OR6B3: variants seen among roughly 807,000 people sequenced by gnomAD.
OR6B3 encodes the protein olfactory receptor family 6 subfamily B member 3, also known as olfactory receptor 6B3.
For synonymous variants in OR6B3, 148 were observed against 187.8 expected (o/e 0.79, Z 1.73); for missense variants, 315 against 427.4 (o/e 0.74, Z 2.32).
At chr2:240,045,782 G>A in exon 2 of OR6B3, 3 of 1,459,198 alleles carry the variant, frequency 2.1e-6, no homozygotes, top group Non-Finnish European at 2.9e-6. Context: ...GCTGCGTCAT[G>A]CACCCGACGA....
At chr2:240,051,267 TC>T (rs376928292), upstream of OR6B3, among the ~76,000 whole-genome samples, 92 of 152,334 alleles carry the variant, frequency 6.0e-4, 1 homozygote, top group African/African-American at 2.0e-3. Flanking sequence ...GTGGTCCTCT[TC>T]CAGCTTCAGT....
upstream of OR6B3, among the ~76,000 whole-genome samples, chr2:240,050,785 A>G (rs1444302729): frequency 1.3e-5 from 2 of 151,938 alleles, no homozygotes; most frequent in African/African-American, 4.8e-5. Flanking sequence ...AGACTCTAGT[A>G]CATGCCTCTC....
chr2:240,045,385 AG>A lies in OR6B3; in HGVS notation c.687del (p.Ser230ArgfsTer56). The A allele has an allele frequency of 6.2e-7, 1 of 1,614,152 alleles. No homozygotes were observed. The highest frequency in any genetic ancestry group is 8.5e-7 in the Non-Finnish European group (1 of 1,180,008). ...AAGGCTCTCCAGCAGCCGGTGGCCG[AG>A]GGGATGCGCAGGACAGCCAGGGTGA... On this transcript the variant is annotated frameshift_variant, in exon 2 of 2. Transcript: ENST00000641019. LOFTEE classifies it low-confidence loss of function (END_TRUNC).
At chr2:240,048,549 A>G (rs1349291570), upstream of OR6B3, among the ~76,000 whole-genome samples, 1 of 152,102 alleles carries the variant, frequency 6.6e-6, no homozygotes, top group African/African-American at 2.4e-5. Flanking sequence ...ACTGGGCCGC[A>G]TGCTCCTGAG....
At chr2:240,047,204 T>C (rs1025597169), upstream of OR6B3, among the ~76,000 whole-genome samples, 2 of 152,090 alleles carry the variant, frequency 1.3e-5, no homozygotes, top group Non-Finnish European at 2.9e-5. Context: ...CAGAAGGAAA[T>C]ACAGGGATAT....
At position 240,045,144 on chromosome 2, in the gene OR6B3, C is replaced by T. The variant is rs1444730693; in HGVS notation, c.929G>A (p.Cys310Tyr). The change falls in exon 2 of 2, where the codon TGC becomes TAC. Residue 310 changes from cysteine (C) to tyrosine (Y), a missense_variant. By Grantham distance (194) the Cys-to-Tyr change is radical. Coordinates refer to ENST00000641019, the Ensembl canonical transcript of OR6B3. Reference sequence around the variant, plus strand: ...ACTAGAAAGCCTCCCCTCTACGGCGCAGCTCGTCAAGCCGAAGGCTTTTTT... The same window carrying T: ...ACTAGAAAGCCTCCCCTCTACGGCGTAGCTCGTCAAGCCGAAGGCTTTTTT... 4 of 1,614,100 alleles carry T rather than the reference C, an allele frequency of 2.5e-6. No homozygotes were observed. In the East Asian group the frequency reaches 6.7e-5, roughly 27 times the overall value.
At chr2:240,045,128 C>T in exon 2 of OR6B3, 1 of 1,611,780 alleles carries the variant, frequency 6.2e-7, no homozygotes, top group Non-Finnish European at 8.5e-7. Context: ...GACTAGAAAG[C>T]CTCCCCTCTA....
chr2:240,048,937 G>C (rs1698225533), upstream of OR6B3, among the ~76,000 whole-genome samples: 1 of 152,198 alleles, frequency 6.6e-6, no homozygotes, highest in South Asian at 2.1e-4. Context: ...CCCATGGGAG[G>C]GAAGAAGGTG....
upstream of OR6B3, among the ~76,000 whole-genome samples, chr2:240,050,459 A>G (rs373824417): frequency 1.7e-4 from 26 of 152,326 alleles, no homozygotes; most frequent in East Asian, 4.6e-3. Flanking sequence ...TCATGCCTGT[A>G]ATCCCAGCCC....
the OR6B3 span, among the ~76,000 whole-genome samples, chr2:240,052,497 A>C: frequency 6.6e-6 from 1 of 152,238 alleles, no homozygotes; most frequent in Admixed American, 6.5e-5. This position sits in a 1 kb window ranked among gnomAD's most constrained non-coding sequence, Gnocchi z 4.5. Flanking sequence ...AAAGCCCTAC[A>C]TCAGAGCTGA....
At chr2:240,050,756 CAAAT>C (rs1698248258), upstream of OR6B3, among the ~76,000 whole-genome samples, 10 of 130,578 alleles carry the variant, frequency 7.7e-5, 1 homozygote, top group South Asian at 1.2e-3. Context: ...AAAAAAGAGA[CAAAT>C]AAAGTAGCAG....
intron 1 of OR6B3, among the ~76,000 whole-genome samples, chr2:240,046,502 T>G (rs1225630677): frequency 6.6e-6 from 1 of 152,190 alleles, no homozygotes; most frequent in Non-Finnish European, 1.5e-5. Flanking sequence ...GTCTGACGCA[T>G]TCTTTCTAAA....
chr2:240,046,333 G>A lies in OR6B3; in HGVS notation c.-25-236C>T, dbSNP rs566159238. Among the ~76,000 whole-genome samples the A allele has an allele frequency of 6.6e-5, 10 of 152,240 alleles. No individual in the cohort carries two copies. In the South Asian group the frequency reaches 1.0e-3, roughly 16 times the overall value. On this transcript the variant is annotated intron_variant, in intron 1 of 1. Transcript: ENST00000641019. ...GGGTCTGGAATGCCCTCCTGAGCCT[G>A]TCACCACCAGTCTCCCTCATCTCTC...
chr2:240,052,496 C>T, the OR6B3 span, among the ~76,000 whole-genome samples: 3 of 152,188 alleles, frequency 2.0e-5, no homozygotes, highest in Non-Finnish European at 4.4e-5. The surrounding 1 kb of genome is among the most constrained non-coding windows in gnomAD (Gnocchi z 4.5). Context: ...GAAAGCCCTA[C>T]ATCAGAGCTG....
At chr2:240,044,970 G>T (rs1039291087), downstream of OR6B3, 5 of 965,508 alleles carry the variant, frequency 5.2e-6, no homozygotes, top group African/African-American at 3.3e-5. Context: ...CAATACCTAT[G>T]CTATTAACCT....
At chr2:240,051,236 A>G (rs1248532222), upstream of OR6B3, among the ~76,000 whole-genome samples, 1 of 152,156 alleles carries the variant, frequency 6.6e-6, no homozygotes, top group Non-Finnish European at 1.5e-5. Flanking sequence ...TTTACCAAGC[A>G]CCTAATATGT....
At chr2:240,044,978 C>T, downstream of OR6B3, 1 of 1,143,650 alleles carries the variant, frequency 8.7e-7, no homozygotes, top group Middle Eastern at 2.0e-4. Context: ...ATGCTATTAA[C>T]CTCAACCTCA....
intron 1 of OR6B3, among the ~76,000 whole-genome samples, chr2:240,046,464 G>GC (rs1698190912): frequency 1.3e-5 from 2 of 152,160 alleles, no homozygotes; most frequent in South Asian, 4.1e-4. Flanking sequence ...AGCCCTGACT[G>GC]CCCCAGGCTT....
At chr2:240,047,488 C>T (rs536913586), upstream of OR6B3, among the ~76,000 whole-genome samples, 286 of 152,268 alleles carry the variant, frequency 1.9e-3, 2 homozygotes, top group Non-Finnish European at 2.2e-3. Flanking sequence ...ATAGGGCAGA[C>T]GACCCGTGAA....
Sources: allele counts gnomAD v4.1 joint callset (sites outside exome capture counted in the v4.1 genomes callset), GRCh38; gene constraint gnomAD v4.1.1; non-coding constraint Gnocchi (gnomAD v3.1); transcripts MANE v1.5; gene names NCBI Gene and HGNC (gene_info 2026-07-23, HGNC 2026-07-21).